Variants in GRB2 observed in about 807,000 individuals in gnomAD.
GRB2 encodes growth factor receptor-bound protein 2.
Under a neutral mutation model 27.4 loss-of-function variants are expected in GRB2, and 2 were observed. The ratio of observed to expected loss-of-function variants is 0.07; its 90% confidence interval spans 0.03 to 0.23. The LOEUF (loss-of-function observed/expected upper bound fraction) is 0.23, where lower values mean the gene tolerates loss of function less well. GRB2 is among the 10% of genes least tolerant of loss of function. The pLI, the probability that GRB2 is intolerant of heterozygous loss-of-function variation, is 1.00. For missense variants in GRB2, 102 were observed against 282.4 expected (o/e 0.36, Z 4.58); for synonymous variants, 94 against 99.6 (o/e 0.94, Z 0.33).
intron 1 of GRB2, among the ~76,000 whole-genome samples, chr17:75,402,014 ATT>A (rs375787855): frequency 6.6e-6 from 1 of 152,242 alleles, no homozygotes; most frequent in Non-Finnish European, 1.5e-5. Context: ...AGTTGAAAAT[ATT>A]GTTACATGGA....
intron 1 of GRB2, among the ~76,000 whole-genome samples, chr17:75,399,101 G>A (rs1026517004): frequency 4.6e-5 from 7 of 151,968 alleles, no homozygotes; most frequent in African/African-American, 1.7e-4. Context: ...AGGCTGAAGT[G>A]CAGTGGAGCA....
intron 2 of GRB2, among the ~76,000 whole-genome samples, chr17:75,368,535 T>G (rs9709167): frequency 0.027 from 4,043 of 151,244 alleles, 90 homozygotes; most frequent in Non-Finnish European, 0.037. Flanking sequence ...TGTTTTTTTT[T>G]TTGTTGTTTT....
intron 2 of GRB2, among the ~76,000 whole-genome samples, chr17:75,342,627 A>G (rs544568536): frequency 1.3e-5 from 2 of 152,238 alleles, no homozygotes; most frequent in East Asian, 3.9e-4. Flanking sequence ...AAAGACTGCC[A>G]TGAGTTTGTT....
intron 2 of GRB2, among the ~76,000 whole-genome samples, chr17:75,346,915 C>T (rs569758728): frequency 3.8e-4 from 58 of 152,228 alleles, no homozygotes; most frequent in African/African-American, 1.3e-3. Context: ...CCCTCACTCT[C>T]TGGCTCCCAG....
chr17:75,347,439 T>C (rs566176484), intron 2 of GRB2, among the ~76,000 whole-genome samples: 12 of 151,980 alleles, frequency 7.9e-5, no homozygotes, highest in African/African-American at 2.9e-4. Context: ...GCCTTTGCTT[T>C]AGCCTTTCTT....
intron 2 of GRB2, among the ~76,000 whole-genome samples, chr17:75,374,016 C>G (rs1424131350): frequency 2.6e-5 from 4 of 151,596 alleles, no homozygotes. Flanking sequence ...AGGATGGTCT[C>G]AATCTCCTGA....
intron 2 of GRB2, among the ~76,000 whole-genome samples, chr17:75,385,382 C>T (rs148988741): frequency 0.012 from 1,820 of 152,000 alleles, 92 homozygotes; most frequent in Admixed American, 0.089. Flanking sequence ...ACTAAAAATA[C>T]AAAAATTAGC....
At chr17:75,336,713 T>A (rs4789170) in intron 2 of GRB2, among the ~76,000 whole-genome samples, 1 of 152,014 alleles carries the variant, frequency 6.6e-6, no homozygotes. Flanking sequence ...AAGGAAAATA[T>A]GGAATTAATG....
intron 2 of GRB2, among the ~76,000 whole-genome samples, chr17:75,350,847 C>T (rs1038147914): frequency 6.6e-6 from 1 of 152,060 alleles, no homozygotes. Context: ...TGTAGTGAGG[C>T]TTGGGGACGG....
intron 3 of GRB2, among the ~76,000 whole-genome samples, chr17:75,328,642 C>G (rs2078517117): frequency 1.4e-5 from 2 of 138,978 alleles, no homozygotes; most frequent in Non-Finnish European, 3.1e-5. Context: ...AACTCCATCT[C>G]AAAAAAATTA....
intron 2 of GRB2, among the ~76,000 whole-genome samples, chr17:75,336,043 G>T (rs1350610787): frequency 6.6e-6 from 1 of 152,150 alleles, no homozygotes; most frequent in Non-Finnish European, 1.5e-5. Flanking sequence ...TGGCAGCACA[G>T]AAAACTCTGA....
At chr17:75,326,889 T>A (rs2078501886) in intron 3 of GRB2, among the ~76,000 whole-genome samples, 1 of 152,182 alleles carries the variant, frequency 6.6e-6, no homozygotes, top group South Asian at 2.1e-4. Context: ...GAAGAAACTG[T>A]GAAAACCATG....
At chr17:75,358,930 T>TAA (rs754168960) in intron 2 of GRB2, among the ~76,000 whole-genome samples, 3,612 of 129,092 alleles carry the variant, frequency 0.028, 74 homozygotes, top group Non-Finnish European at 0.043. Context: ...TATATATATA[T>TAA]AAAATAGGCC....
At position 75,393,734 on chromosome 17, in the gene GRB2, C is replaced by G; in HGVS notation, c.-106G>C. On this transcript the variant is annotated 5_prime_UTR_variant, in exon 2 of 6. Transcript: ENST00000316804. ...TTAGCCTCGCCTCTCTTCTGGGACT[C>G]GCTCCGGCACTCTGGGACACACAAT... 1.2e-6 allele frequency: 1 copy of G among 810,712 alleles called. No individual in the cohort carries two copies. The highest frequency in any genetic ancestry group is 2.1e-6 in the Non-Finnish European group (1 of 476,458). The allele number at this position is 810,712 out of a possible 1,614,324, so 50.2% of individuals were successfully genotyped here.
At position 75,319,451 on chromosome 17, in the gene GRB2, T is replaced by G. The variant is rs996870973; in HGVS notation, c.*917A>C. On this transcript the variant is annotated 3_prime_UTR_variant, in exon 6 of 6. Transcript: ENST00000316804. ...AGAGACAGGCTTTCAGGTGGGCTTT[T>G]TTTTTTTTTTTTTGAGACGGAATCT... The G allele has an allele frequency of 9.3e-5, 14 of 150,052 alleles. No homozygotes were observed. Among genetic ancestry groups the G allele is most frequent in the African/African-American group, 3.4e-4 (14 of 40,906 alleles). 9.3% of individuals were successfully genotyped at this position (150,052 alleles called of 1,614,324 possible).
intron 2 of GRB2, among the ~76,000 whole-genome samples, chr17:75,338,557 C>T (rs2078597257): frequency 6.6e-6 from 1 of 152,186 alleles, no homozygotes; most frequent in African/African-American, 2.4e-5. Flanking sequence ...ATTCCAACCC[C>T]CATATTCCCT....
chr17:75,336,610 C>T (rs78647618), intron 2 of GRB2, among the ~76,000 whole-genome samples: 8,157 of 152,228 alleles, frequency 0.054, 263 homozygotes, highest in Middle Eastern at 0.13. Context: ...AACTCCAGGG[C>T]AACTCCTAGA....
At chr17:75,380,144 A>C (rs1434573501) in intron 2 of GRB2, among the ~76,000 whole-genome samples, 1 of 152,058 alleles carries the variant, frequency 6.6e-6, no homozygotes, top group Non-Finnish European at 1.5e-5. Context: ...CAGGTGGAAG[A>C]TGATGTACTG....
chr17:75,345,702 C>T (rs1355135990), intron 2 of GRB2, among the ~76,000 whole-genome samples: 2 of 151,924 alleles, frequency 1.3e-5, no homozygotes, highest in Non-Finnish European at 2.9e-5. Flanking sequence ...CCTACCCCCA[C>T]CCCCACCCCC....
Sources: allele counts gnomAD v4.1 joint callset (sites outside exome capture counted in the v4.1 genomes callset), GRCh38; gene constraint gnomAD v4.1.1; transcripts MANE v1.5; gene names NCBI Gene and HGNC (gene_info 2026-07-23, HGNC 2026-07-21).